KCNMB2: variants seen among roughly 807,000 people sequenced by gnomAD.
KCNMB2 encodes calcium-activated potassium channel subunit beta-2.
A neutral mutation model predicts 24.5 loss-of-function variants in KCNMB2; 9 were observed. The ratio of observed to expected loss-of-function variants is 0.37; its 90% CI spans 0.22 to 0.64. KCNMB2 has a LOEUF of 0.64. KCNMB2 is among the 30% of genes least tolerant of loss of function. The probability of loss-of-function intolerance (pLI) is 0.63; values close to 1 mark genes in which losing one functional copy is unlikely to be tolerated. For missense variants in KCNMB2, 226 were observed against 284.3 expected, an observed-to-expected ratio of 0.79 and a Z score of 1.47; for synonymous variants, 109 against 104.4, an observed-to-expected ratio of 1.04 and a Z score of -0.27.
At chr3:178,734,459 T>TA (rs1044758743) in intron 1 of KCNMB2, among the ~76,000 whole-genome samples, 14 of 152,314 alleles carry the variant, frequency 9.2e-5, no homozygotes, top group Admixed American at 8.5e-4. Context: ...GGTCCACTGA[T>TA]ATACCTCTGG....
chr3:178,646,386 G>A (rs1247231417), intron 1 of KCNMB2, among the ~76,000 whole-genome samples: 1 of 152,116 alleles, frequency 6.6e-6, no homozygotes, highest in East Asian at 1.9e-4. Context: ...TTATAAGCTT[G>A]GTTTAACTGC....
intron 1 of KCNMB2, among the ~76,000 whole-genome samples, chr3:178,588,300 T>C (rs1440207984): frequency 6.6e-6 from 1 of 152,026 alleles, no homozygotes; most frequent in East Asian, 1.9e-4. Flanking sequence ...TTACCTGAGG[T>C]GGAAGCAAAA....
intron 1 of KCNMB2, among the ~76,000 whole-genome samples, chr3:178,623,899 T>A (rs965986630): frequency 2.0e-5 from 3 of 152,152 alleles, no homozygotes; most frequent in African/African-American, 7.2e-5. Context: ...TCAGGTATAA[T>A]CTCATTGGAA....
chr3:178,834,249 C>T (rs552117483), intron 4 of KCNMB2, among the ~76,000 whole-genome samples: 3 of 152,162 alleles, frequency 2.0e-5, no homozygotes, highest in Non-Finnish European at 4.4e-5. Context: ...CTTTTCCCCA[C>T]ACATAATGAA....
At chr3:178,590,940 G>A (rs1157033411) in intron 1 of KCNMB2, among the ~76,000 whole-genome samples, 1 of 152,134 alleles carries the variant, frequency 6.6e-6, no homozygotes, top group Non-Finnish European at 1.5e-5. Flanking sequence ...GAAAGAGAAA[G>A]CAAGTCTACT....
chr3:178,552,340 T>C (rs1354736981), intron 1 of KCNMB2, among the ~76,000 whole-genome samples: 2 of 151,728 alleles, frequency 1.3e-5, no homozygotes, highest in Non-Finnish European at 2.9e-5. Context: ...ACATATCAAA[T>C]TGTTTCTCTA....
chr3:178,759,653 CTCCAAGAGGGATAT>C (rs1560009394), intron 1 of KCNMB2, among the ~76,000 whole-genome samples: 4 of 100,052 alleles, frequency 4.0e-5, no homozygotes, highest in African/African-American at 1.6e-4. Flanking sequence ...ATATATATAT[CTCCAAGAGGGATAT>C]ATATATATAT....
chr3:178,575,424 A>G (rs530667729), intron 1 of KCNMB2, among the ~76,000 whole-genome samples: 13 of 152,348 alleles, frequency 8.5e-5, no homozygotes, highest in Non-Finnish European at 1.6e-4. Context: ...TAAAATATGT[A>G]TACTAACAAT....
intron 1 of KCNMB2, among the ~76,000 whole-genome samples, chr3:178,733,016 C>A (rs1248636516): frequency 6.6e-6 from 1 of 152,032 alleles, no homozygotes; most frequent in East Asian, 1.9e-4. Flanking sequence ...TAAAATTGCG[C>A]AATAAATATT....
intron 1 of KCNMB2, among the ~76,000 whole-genome samples, chr3:178,784,759 A>C (rs1268145741): frequency 6.6e-6 from 1 of 151,610 alleles, no homozygotes; most frequent in East Asian, 1.9e-4. Flanking sequence ...AATGAGTGAG[A>C]GTAGGATTTA....
intron 1 of KCNMB2, among the ~76,000 whole-genome samples, chr3:178,637,600 A>G (rs1343753555): frequency 3.3e-5 from 5 of 152,172 alleles, no homozygotes; most frequent in Middle Eastern, 3.2e-3. Context: ...TCCCATACCT[A>G]TTGTTCTAAT....
intron 1 of KCNMB2, among the ~76,000 whole-genome samples, chr3:178,595,795 G>A (rs553501463): frequency 6.0e-4 from 92 of 152,182 alleles, no homozygotes; most frequent in African/African-American, 2.2e-3. Context: ...GCATGAGAAC[G>A]GACTAATAGA....
At chr3:178,711,189 T>C (rs1318275286) in intron 1 of KCNMB2, among the ~76,000 whole-genome samples, 1 of 152,214 alleles carries the variant, frequency 6.6e-6, no homozygotes, top group African/African-American at 2.4e-5. Context: ...TCAGTCAAAA[T>C]TCAAGCCAGG....
chr3:178,728,482 A>G (rs541822081), intron 1 of KCNMB2, among the ~76,000 whole-genome samples: 14 of 152,252 alleles, frequency 9.2e-5, no homozygotes, highest in Middle Eastern at 3.4e-3. Context: ...ACACAAACAG[A>G]CAGATTACTA....
intron 1 of KCNMB2, among the ~76,000 whole-genome samples, chr3:178,592,753 T>G (rs1318212509): frequency 2.0e-5 from 3 of 152,118 alleles, no homozygotes; most frequent in African/African-American, 7.2e-5. Flanking sequence ...GTATGGCACA[T>G]AGACCATCTA....
intron 1 of KCNMB2, among the ~76,000 whole-genome samples, chr3:178,608,309 G>T (rs1338936195): frequency 6.6e-6 from 1 of 152,198 alleles, no homozygotes; most frequent in African/African-American, 2.4e-5. Flanking sequence ...TAAAATTGAA[G>T]TGCTCAAATT....
rs74614390 is a variant in KCNMB2 at position 178,553,417 on chromosome 3, T to C, written c.-68+16706T>C. On this transcript the variant is annotated intron_variant, in intron 1 of 4. Transcript: ENST00000452583. Reference sequence around the variant, plus strand: ...CCACTGAAAACAAAATTAAAAGGCATGGACAAACCACTCAAATGCAAGAAA... The same window carrying C: ...CCACTGAAAACAAAATTAAAAGGCACGGACAAACCACTCAAATGCAAGAAA... Among the ~76,000 whole-genome samples, 932 of 152,214 alleles carry C rather than the reference T, an allele frequency of 6.1e-3. 12 individuals are homozygous for C. The highest frequency in any genetic ancestry group is 0.021 in the African/African-American group (876 of 41,528).
intron 1 of KCNMB2, chr3:178,748,903 C>G (rs1025843120): frequency 3.3e-5 from 5 of 152,170 alleles, no homozygotes; most frequent in Non-Finnish European, 7.3e-5. Flanking sequence ...ATTTAAGAAA[C>G]TCAATAAATT....
At chr3:178,773,414 A>G (rs1490382181) in intron 1 of KCNMB2, among the ~76,000 whole-genome samples, 6 of 152,174 alleles carry the variant, frequency 3.9e-5, no homozygotes, top group African/African-American at 1.4e-4. Context: ...TATTAATATC[A>G]GACCTGCTTT....
Sources: gnomAD v4.1 joint callset for allele counts (sites outside exome capture counted in the v4.1 genomes callset) on GRCh38, gnomAD v4.1.1 for gene constraint, MANE v1.5 for transcripts, NCBI Gene and HGNC (gene_info 2026-07-23, HGNC 2026-07-21) for gene names.